ADGRL4: variants seen among roughly 807,000 people sequenced by gnomAD.
ADGRL4 encodes the protein adhesion G protein-coupled receptor L4, also known as EGF, latrophilin and seven transmembrane domain containing 1.
A neutral mutation model predicts 74.8 loss-of-function variants in ADGRL4; 90 were observed. The ratio of observed to expected loss-of-function variants is 1.20; its 90% CI spans 1.02 to 1.43. The LOEUF is 1.43. Ranked by LOEUF, ADGRL4 falls within the 40% of genes most tolerant of loss-of-function variation. The probability of loss-of-function intolerance (pLI) is 0.00; values close to 1 mark genes in which losing one functional copy is unlikely to be tolerated. For synonymous variants in ADGRL4, 311 were observed against 279.2 expected, an observed-to-expected ratio of 1.11 and a Z score of -1.14; for missense variants, 881 against 814.3, an observed-to-expected ratio of 1.08 and a Z score of -1.00.
intron 6 of ADGRL4, 103 bp from the exon 7 acceptor site, chr1:78,936,514 T>C (rs79353007): frequency 0.085 from 89,541 of 1,050,550 alleles, 5,160 homozygotes; most frequent in East Asian, 0.34. Context: ...TATTGTGTTT[T>C]AAATTATTTA....
chr1:78,999,957 G>A (rs1218816615), intron 2 of ADGRL4, among the ~76,000 whole-genome samples: 1 of 121,692 alleles, frequency 8.2e-6, no homozygotes, highest in Admixed American at 7.7e-5. Context: ...CAACCCAGAA[G>A]GCATTTTTTT....
intron 12 of ADGRL4, among the ~76,000 whole-genome samples, chr1:78,915,607 C>T (rs1427081771): frequency 6.6e-6 from 1 of 151,872 alleles, no homozygotes; most frequent in Non-Finnish European, 1.5e-5. Flanking sequence ...CTCCCTTCTC[C>T]AGTCCTCTCA....
rs573550262 is a variant in ADGRL4 at position 78,967,479 on chromosome 1, C to T, written c.173-21053G>A. ...ATTGAAACTACTGAGAATAGATTTA[C>T]ATGCAAAGTGTGCAAGAACAGTAAA... is the stretch of plus-strand genomic sequence containing the variant. On this transcript the variant is annotated intron_variant, in intron 2 of 14. Transcript: ENST00000370742. Among the ~76,000 whole-genome samples the T allele has an allele frequency of 2.0e-5, 3 of 152,294 alleles. No homozygotes were observed. In the South Asian group the frequency reaches 6.2e-4, roughly 32 times the overall value.
chr1:78,915,242 A>C (rs115078105), intron 12 of ADGRL4, among the ~76,000 whole-genome samples: 4,506 of 151,990 alleles, frequency 0.03, 89 homozygotes, highest in South Asian at 0.053. Context: ...CCTGGAGGAA[A>C]CTCCGTACAA....
chr1:78,934,935 A>G (rs7527890), intron 7 of ADGRL4, among the ~76,000 whole-genome samples: 13,592 of 152,232 alleles, frequency 0.089, 811 homozygotes, highest in East Asian at 0.33. Context: ...GAGAAATAGG[A>G]ACGCTTTTAC....
intron 3 of ADGRL4, among the ~76,000 whole-genome samples, chr1:78,941,188 G>T (rs1649471528): frequency 6.6e-6 from 1 of 152,194 alleles, no homozygotes; most frequent in South Asian, 2.1e-4. Flanking sequence ...AATGACAAGT[G>T]ACCTTGGGAT....
At chr1:78,899,269 G>A (rs527285125) in intron 12 of ADGRL4, among the ~76,000 whole-genome samples, 3 of 152,276 alleles carry the variant, frequency 2.0e-5, no homozygotes, top group South Asian at 4.1e-4. Context: ...CAACAGATGG[G>A]TTTCTACTGA....
At chr1:78,977,177 T>C (rs1650302914) in intron 2 of ADGRL4, among the ~76,000 whole-genome samples, 1 of 151,646 alleles carries the variant, frequency 6.6e-6, no homozygotes, top group African/African-American at 2.4e-5. Context: ...AGAAAAGATA[T>C]TATCTCTATC....
rs535821005 is a variant in ADGRL4 at position 78,981,686 on chromosome 1, GAAAT to G, written c.172+23380_172+23383del. Among the ~76,000 whole-genome samples, 84 of 151,824 alleles carry G rather than the reference GAAAT, an allele frequency of 5.5e-4. 2 individuals carry two copies. In the South Asian group the frequency reaches 8.1e-3, roughly 15 times the overall value. ...AAATGACTAAAAATATGGTCTTACA[GAAAT>G]AAATAAAGTTCTATTTTTATGTCTT... On this transcript the variant is annotated intron_variant, in intron 2 of 14. Transcript: ENST00000370742.
intron 2 of ADGRL4, among the ~76,000 whole-genome samples, chr1:78,992,026 TA>T (rs1650616650): frequency 6.6e-6 from 1 of 152,140 alleles, no homozygotes; most frequent in East Asian, 1.9e-4. Flanking sequence ...TCTGTGTACC[TA>T]AAAAATACAG....
At position 78,891,022 on chromosome 1, in the gene ADGRL4, A is replaced by G. The variant is rs1017571107; in HGVS notation, c.*132T>C. The G allele has an allele frequency of 6.6e-6, 6 of 909,466 alleles. No individual in the cohort carries two copies. The African/African-American group carries it at 9.8e-5, about 15-fold the overall frequency. The allele number at this position is 909,466 out of a possible 1,614,324, so 56.3% of individuals were successfully genotyped here. A position where few individuals can be genotyped will look rare whatever the true frequency, so the allele number is the denominator to read the frequency against. ...TACAGTTCCTATAGCATAAACAGAA[A>G]AACTGATTTAAAATACTTTTTGTCT... is the stretch of plus-strand genomic sequence containing the variant. On this transcript the variant is annotated 3_prime_UTR_variant, in exon 15 of 15. Transcript: ENST00000370742.
intron 10 of ADGRL4, 55 bp from the exon 11 acceptor site, chr1:78,918,105 A>T: frequency 2.1e-6 from 3 of 1,399,246 alleles, no homozygotes; most frequent in Non-Finnish European, 3.0e-6. Flanking sequence ...TAAAATTATC[A>T]TAACATACAA....
chr1:78,897,156 A>T (rs1026288692), intron 12 of ADGRL4, among the ~76,000 whole-genome samples: 1 of 152,088 alleles, frequency 6.6e-6, no homozygotes, highest in Non-Finnish European at 1.5e-5. Context: ...AGGCCAACAT[A>T]TTCTTCCCTT....
chr1:78,968,390 T>C (rs1034413545), intron 2 of ADGRL4, among the ~76,000 whole-genome samples: 8 of 151,800 alleles, frequency 5.3e-5, no homozygotes, highest in Non-Finnish European at 1.2e-4. Flanking sequence ...TTAAAGTAGA[T>C]ACAAAGGAAT....
chr1:78,929,991 T>C (rs1649204430), intron 7 of ADGRL4, among the ~76,000 whole-genome samples: 1 of 151,428 alleles, frequency 6.6e-6, no homozygotes, highest in Non-Finnish European at 1.5e-5. Flanking sequence ...GTATGCTTGG[T>C]TAATTAGAAT....
chr1:78,893,362 T>C (rs1239125736), intron 12 of ADGRL4, among the ~76,000 whole-genome samples, 173 bp from the exon 13 acceptor site: 1 of 151,968 alleles, frequency 6.6e-6, no homozygotes, highest in Non-Finnish European at 1.5e-5. Flanking sequence ...GAAAGCAACC[T>C]GTTTATGAAA....
chr1:78,953,789 T>A (rs1044939706), intron 2 of ADGRL4, among the ~76,000 whole-genome samples: 1 of 152,218 alleles, frequency 6.6e-6, no homozygotes, highest in Non-Finnish European at 1.5e-5. Flanking sequence ...TGTGTGATCA[T>A]GAACACATAA....
intron 2 of ADGRL4, among the ~76,000 whole-genome samples, chr1:78,996,268 T>C (rs2100738524): frequency 6.6e-6 from 1 of 152,346 alleles, no homozygotes; most frequent in Admixed American, 6.5e-5. Context: ...TGAAAAGTAC[T>C]TTCTCTCTTC....
chr1:78,913,721 A>T (rs1648812184), intron 12 of ADGRL4, among the ~76,000 whole-genome samples: 1 of 151,910 alleles, frequency 6.6e-6, no homozygotes, highest in South Asian at 2.1e-4. Flanking sequence ...ACAAATCCGC[A>T]TGACGCAAGT....
Sources: allele counts gnomAD v4.1 joint callset (sites outside exome capture counted in the v4.1 genomes callset), GRCh38; gene constraint gnomAD v4.1.1; transcripts MANE v1.5; gene names NCBI Gene and HGNC (gene_info 2026-07-23, HGNC 2026-07-21).